The following DMD variants were observed in gnomAD, a reference collection of about 807,000 sequenced individuals.
The protein encoded by DMD is mutant dystrophin.
In DMD, 63 loss-of-function variants were observed where a neutral mutation model predicts 330.1. The observed-to-expected ratio is 0.19, with a 90% CI of 0.16 to 0.24. DMD has a LOEUF of 0.24. Ranked by LOEUF, DMD falls within the 10% of genes least tolerant of loss-of-function variation. The pLI is 1.00. For synonymous variants in DMD, 1,223 were observed against 959.8 expected, an observed-to-expected ratio of 1.27 and a Z score of -5.07; for missense variants, 3,344 against 2,684.1, an observed-to-expected ratio of 1.25 and a Z score of -5.43.
intron 4 of DMD, among the ~76,000 whole-genome samples, chrX:32,837,799 G>A (rs762987702): frequency 6.3e-5 from 7 of 111,953 alleles, no homozygotes; most frequent in Non-Finnish European, 1.3e-4. Flanking sequence ...ACTGAGCTCT[G>A]GCCATTCCAT....
intron 7 of DMD, among the ~76,000 whole-genome samples, chrX:32,760,526 T>C (rs1286105834): frequency 8.9e-6 from 1 of 111,803 alleles, no homozygotes; most frequent in Non-Finnish European, 1.9e-5. Context: ...TTCTACTGTA[T>C]GTCCCTTGAG....
chrX:31,277,039 AT>A (rs750511592), intron 62 of DMD, among the ~76,000 whole-genome samples: 39 of 109,727 alleles, frequency 3.6e-4, no homozygotes, highest in African/African-American at 1.2e-3. Flanking sequence ...AGTTTAAGCC[AT>A]TTTTTCTTTT....
At chrX:31,328,147 G>T (rs915754937) in intron 61 of DMD, among the ~76,000 whole-genome samples, 13 of 112,050 alleles carry the variant, frequency 1.2e-4, no homozygotes, top group Non-Finnish European at 2.4e-4. Context: ...CATATAAGTT[G>T]TCTCCAGTTT....
intron 9 of DMD, among the ~76,000 whole-genome samples, chrX:32,688,848 C>T (rs1341730403): frequency 1.8e-5 from 2 of 111,489 alleles, no homozygotes; most frequent in African/African-American, 6.5e-5. Flanking sequence ...GAGGACAAAA[C>T]AGGAAATGTA....
At chrX:32,357,187 C>A (rs2097804602) in intron 37 of DMD, among the ~76,000 whole-genome samples, 1 of 111,985 alleles carries the variant, frequency 8.9e-6, no homozygotes, top group South Asian at 3.7e-4. Flanking sequence ...CCGCACCAGG[C>A]CTATTATTGG....
intron 52 of DMD, among the ~76,000 whole-genome samples, chrX:31,719,605 A>G (rs772012003): frequency 2.7e-5 from 3 of 111,983 alleles, no homozygotes; most frequent in Non-Finnish European, 5.6e-5. Context: ...TTTCCTGTAC[A>G]CATGTAGGAT....
intron 62 of DMD, among the ~76,000 whole-genome samples, chrX:31,311,221 T>G (rs949785047): frequency 1.0e-4 from 11 of 108,181 alleles, no homozygotes; most frequent in African/African-American, 3.7e-4. Flanking sequence ...GCCTCTGGCT[T>G]AAGGGAAGGA....
chrX:31,209,799 C>G lies in DMD; in HGVS notation c.9362-100G>C, dbSNP rs1406247047. The stretch of plus-strand genomic sequence containing the variant: ...ATCCTAGCTAGGACTCTCTCATACC[C>G]TTTAATAAACACCAAACGTGAACCA... On this transcript the variant is annotated intron_variant, in intron 64 of 78. Transcript: ENST00000357033. 2.3e-5 allele frequency: 18 copies of G among 782,724 alleles called. No homozygotes were observed. The African/African-American group carries it at 3.1e-4, about 14-fold the overall frequency. 64.5% of individuals were successfully genotyped at this position (782,724 alleles called of 1,213,427 possible).
intron 1 of DMD, among the ~76,000 whole-genome samples, chrX:33,040,928 TGATAA>T (rs1041707393): frequency 2.7e-5 from 3 of 111,827 alleles, no homozygotes; most frequent in African/African-American, 9.7e-5. Flanking sequence ...TATCTCTGAC[TGATAA>T]GATAAGGAAT....
rs747443492 is a variant in DMD, at chrX:32,757,168, C to G, written c.649+52325G>C. On this transcript the variant is annotated intron_variant, in intron 7 of 78. Transcript: ENST00000357033. ...ATTGATATATCCATTACCTCACATG[C>G]TTGTGAGAACATTTAAAGTCTATTC... 4.5e-5 allele frequency among the ~76,000 whole-genome samples: 5 copies of G among 111,334 alleles called. No individual in the cohort carries two copies. The South Asian group carries it at 1.9e-3, about 42-fold the overall frequency.
chrX:32,698,056 C>T, intron 8 of DMD, 58 bp from the exon 9 acceptor site: 4 of 1,109,973 alleles, frequency 3.6e-6, no homozygotes, highest in Non-Finnish European at 4.9e-6. Flanking sequence ...CATAAGTAAC[C>T]CGAAAGGACT....
intron 3 of DMD, among the ~76,000 whole-genome samples, chrX:32,845,258 T>C (rs2080554050): frequency 8.9e-6 from 1 of 111,989 alleles, no homozygotes; most frequent in Non-Finnish European, 1.9e-5. Flanking sequence ...CAAAATTATA[T>C]AATGCCAAAT....
chrX:32,171,803 T>C (rs970234823), intron 44 of DMD, among the ~76,000 whole-genome samples: 1 of 111,877 alleles, frequency 8.9e-6, no homozygotes. Context: ...TTATCATTCA[T>C]ACATTTGATA....
intron 52 of DMD, among the ~76,000 whole-genome samples, chrX:31,716,473 C>A (rs757768957): frequency 9.0e-6 from 1 of 111,366 alleles, no homozygotes; most frequent in African/African-American, 3.3e-5. Flanking sequence ...ATCGCTTGAA[C>A]CCAGGAGGCG....
intron 2 of DMD, among the ~76,000 whole-genome samples, chrX:33,014,252 T>A (rs1401146478): frequency 9.0e-6 from 1 of 111,707 alleles, no homozygotes; most frequent in Non-Finnish European, 1.9e-5. Context: ...CCTACTTAAA[T>A]GGCTGTAGAG....
intron 2 of DMD, among the ~76,000 whole-genome samples, chrX:32,942,960 G>T (rs762161782): frequency 2.8e-4 from 31 of 111,463 alleles, no homozygotes; most frequent in Admixed American, 1.1e-3. Context: ...TAACATTTAA[G>T]GTCTTCATGT....
At chrX:32,507,009 A>G (rs2044699727) in intron 18 of DMD, among the ~76,000 whole-genome samples, 1 of 111,827 alleles carries the variant, frequency 8.9e-6, no homozygotes, top group Non-Finnish European at 1.9e-5. Flanking sequence ...AGCTTATGGC[A>G]TACTTGTTTT....
intron 59 of DMD, among the ~76,000 whole-genome samples, chrX:31,472,749 A>G (rs1002508110): frequency 2.7e-5 from 3 of 112,285 alleles, no homozygotes; most frequent in African/African-American, 9.7e-5. Flanking sequence ...CTAGCCTACT[A>G]CACACATCAT....
chrX:31,435,250 A>G (rs67267140), intron 60 of DMD, among the ~76,000 whole-genome samples: 24,864 of 111,401 alleles, frequency 0.22, 3,096 homozygotes, highest in African/African-American at 0.47. Context: ...GTAAGTTCTC[A>G]CTATTAATCT....
Sources: allele counts gnomAD v4.1 joint callset (sites outside exome capture counted in the v4.1 genomes callset), GRCh38; gene constraint gnomAD v4.1.1; transcripts MANE v1.5; gene names NCBI Gene and HGNC (gene_info 2026-07-23, HGNC 2026-07-21).